CCDC57: variants seen among roughly 807,000 people sequenced by gnomAD.
The protein encoded by CCDC57 is coiled-coil domain-containing protein 57.
Under a neutral mutation model 118.9 loss-of-function variants are expected in CCDC57, and 118 were observed. The observed-to-expected ratio is 0.99, with a 90% CI of 0.86 to 1.16. The LOEUF (loss-of-function observed/expected upper bound fraction) is 1.16. Among genes scored for constraint, CCDC57 ranks in the 50% most tolerant of loss-of-function variants. CCDC57 has a pLI of 0.00. For missense variants in CCDC57, 1,300 were observed against 1,320.7 expected, an observed-to-expected ratio of 0.98 and a Z score of 0.24; for synonymous variants, 527 against 532.9, an observed-to-expected ratio of 0.99 and a Z score of 0.15.
chr17:82,179,519 C>T lies in CCDC57; in HGVS notation c.1212-330G>A, dbSNP rs145883672. Among the ~76,000 whole-genome samples the T allele has an allele frequency of 6.6e-5, 10 of 152,160 alleles. No individual in the cohort carries two copies. In the East Asian group the frequency reaches 1.4e-3, roughly 21 times the overall value. ...ATAAACGCGGTTATGCACAAAGGAA[C>T]GGAGCTATGAAAGCAAACAAGCAGA... is the stretch of plus-strand genomic sequence containing the variant. On this transcript the variant is annotated intron_variant, in intron 9 of 19. Coordinates refer to ENST00000665763, the Ensembl canonical transcript of CCDC57.
In CCDC57 at chr17:82,157,781, G is replaced by A. The variant is rs1377215103; in HGVS notation, c.2208C>T (p.Pro736=). ...CAAGGGCCACGGCGTCCGAGGCTGG[G>A]GGCTGCTTCCTGCCTGAAGGCTCCG... Residue 736 remains proline, a synonymous_variant, in exon 15 of 20, where the codon CCC becomes CCT. Transcript: ENST00000665763. The A allele has an allele frequency of 1.9e-6, 3 of 1,604,810 alleles. No individual in the cohort carries two copies. The African/African-American group carries it at 4.0e-5, about 21-fold the overall frequency.
intron 8 of CCDC57, 93 bp from the exon 8 acceptor site, chr17:82,184,025 G>GCA (rs1432239867): frequency 4.6e-4 from 179 of 388,276 alleles, no homozygotes; most frequent in East Asian, 1.3e-3. Context: ...ATGCGCGCGC[G>GCA]CGCGCGCACA....
At chr17:82,151,794 A>C in intron 15 of CCDC57, 21 bp from the exon 15 acceptor site, 1 of 1,545,312 alleles carries the variant, frequency 6.5e-7, no homozygotes. Flanking sequence ...ACTCACAGGC[A>C]GACACCCCTG....
At chr17:82,128,583 G>A (rs746137809) in exon 18 of CCDC57, 86 of 1,564,560 alleles carry the variant, frequency 5.5e-5, no homozygotes, top group Middle Eastern at 1.8e-4. Context: ...CCTCATCCTC[G>A]GCACTCTTGG....
chr17:82,206,081 C>T (rs1033292467), intron 2 of CCDC57, among the ~76,000 whole-genome samples: 2 of 152,126 alleles, frequency 1.3e-5, no homozygotes, highest in Admixed American at 6.5e-5. Flanking sequence ...ATGAAGCTTC[C>T]GGGTTGGGGA....
intron 15 of CCDC57, chr17:82,155,441 G>A (rs2042566065): frequency 6.6e-6 from 1 of 152,428 alleles, no homozygotes; most frequent in African/African-American, 2.4e-5. Context: ...GCCTAGTTCT[G>A]GTCCTTGGGG....
chr17:82,151,808 G>T, intron 15 of CCDC57, 35 bp from the exon 15 acceptor site: 1 of 1,537,300 alleles, frequency 6.5e-7, no homozygotes, highest in Non-Finnish European at 8.8e-7. Flanking sequence ...ACCCCTGTGA[G>T]GCTGCCCTCA....
At chr17:82,143,581 G>A (rs2040318159) in intron 16 of CCDC57, among the ~76,000 whole-genome samples, 1 of 152,128 alleles carries the variant, frequency 6.6e-6, no homozygotes, top group South Asian at 2.1e-4. Flanking sequence ...TGCCCCGTAA[G>A]ATCTCCAGAA....
At chr17:82,199,025 A>AG (rs1387320900) in intron 3 of CCDC57, among the ~76,000 whole-genome samples, 1 of 151,256 alleles carries the variant, frequency 6.6e-6, no homozygotes, top group African/African-American at 2.4e-5. Flanking sequence ...AGGAAAAAAA[A>AG]GAAAGATCTG....
intron 19 of CCDC57, chr17:82,108,797 T>G (rs928059422): frequency 6.6e-6 from 1 of 152,140 alleles, no homozygotes; most frequent in African/African-American, 2.4e-5. Context: ...AGCGTTTCAC[T>G]GAAGAACTGT....
intron 16 of CCDC57, among the ~76,000 whole-genome samples, chr17:82,147,311 TGGGTGGATGGATGGGC>T: frequency 5.7e-5 from 1 of 17,654 alleles, no homozygotes; most frequent in Middle Eastern, 0.031. Context: ...GGTGGGTGGG[TGGGTGGATGGATGGGC>T]GGATGGATAG....
At chr17:82,121,686 C>A (rs1379974066) in intron 19 of CCDC57, among the ~76,000 whole-genome samples, 2 of 152,356 alleles carry the variant, frequency 1.3e-5, no homozygotes, top group Admixed American at 1.3e-4. Context: ...TGACCTGGGA[C>A]TGAGGGCTCC....
intron 19 of CCDC57, chr17:82,113,767 T>C (rs983496334): frequency 1.4e-5 from 9 of 661,996 alleles, no homozygotes; most frequent in Non-Finnish European, 2.2e-5. Flanking sequence ...ACCCCATTTC[T>C]ACAAAAAAAT....
intron 11 of CCDC57, among the ~76,000 whole-genome samples, chr17:82,175,844 A>T (rs1263566450): frequency 2.6e-5 from 4 of 152,216 alleles, no homozygotes; most frequent in Non-Finnish European, 5.9e-5. Flanking sequence ...TTCTGAGTGG[A>T]GATGCCTCTG....
intron 4 of CCDC57, among the ~76,000 whole-genome samples, chr17:82,196,588 G>A (rs1369623661): frequency 1.3e-5 from 2 of 152,162 alleles, no homozygotes; most frequent in Non-Finnish European, 2.9e-5. Context: ...CATCCGACAG[G>A]ACCAGAGAGG....
At chr17:82,105,740 G>A (rs749962844) in intron 19 of CCDC57, among the ~76,000 whole-genome samples, 6 of 152,146 alleles carry the variant, frequency 3.9e-5, no homozygotes, top group Non-Finnish European at 7.4e-5. Context: ...TGGTTCCCAC[G>A]GTCCCTCCAC....
At chr17:82,184,243 G>C (rs2046661269) in intron 8 of CCDC57, among the ~76,000 whole-genome samples, 1 of 152,016 alleles carries the variant, frequency 6.6e-6, no homozygotes, top group Admixed American at 6.6e-5. Context: ...CCAGGTTCTT[G>C]GTGGGCGGAA....
intron 16 of CCDC57, among the ~76,000 whole-genome samples, chr17:82,140,365 C>T (rs557157134): frequency 2.0e-5 from 3 of 151,928 alleles, no homozygotes; most frequent in East Asian, 3.9e-4. Flanking sequence ...GGATTACAGG[C>T]GTGAGCCACC....
At chr17:82,133,087 G>A (rs2038651731) in intron 17 of CCDC57, among the ~76,000 whole-genome samples, 1 of 151,958 alleles carries the variant, frequency 6.6e-6, no homozygotes, top group African/African-American at 2.4e-5. Context: ...GATACAAGTT[G>A]TGGCTGGGTG....
Sources: gnomAD v4.1 joint callset for allele counts (sites outside exome capture counted in the v4.1 genomes callset) on GRCh38, gnomAD v4.1.1 for gene constraint, MANE v1.5 for transcripts, NCBI Gene and HGNC (gene_info 2026-07-23, HGNC 2026-07-21) for gene names.